CCSER1: variants seen among roughly 807,000 people sequenced by gnomAD.
The protein encoded by CCSER1 is serine-rich coiled-coil domain-containing protein 1.
A neutral mutation model predicts 82.0 loss-of-function variants in CCSER1; 41 were observed. The observed-to-expected ratio is 0.50, with a 90% CI of 0.39 to 0.65. The LOEUF (loss-of-function observed/expected upper bound fraction) is 0.65, where lower values mean the gene tolerates loss of function less well. Ranked by LOEUF, CCSER1 falls within the 30% of genes least tolerant of loss-of-function variation. The pLI is 0.00. For missense variants in CCSER1, 1,119 were observed against 1,064.2 expected, an observed-to-expected ratio of 1.05 and a Z score of -0.72; for synonymous variants, 414 against 383.9, an observed-to-expected ratio of 1.08 and a Z score of -0.92.
intron 4 of CCSER1, among the ~76,000 whole-genome samples, chr4:90,447,495 G>A (rs1760820010): frequency 6.6e-6 from 1 of 152,182 alleles, no homozygotes. Flanking sequence ...TATTTTCAGA[G>A]CCAAGAATAT....
chr4:90,442,662 T>G (rs907631172), intron 4 of CCSER1, among the ~76,000 whole-genome samples: 2 of 152,198 alleles, frequency 1.3e-5, no homozygotes, highest in African/African-American at 4.8e-5. Context: ...GTTTTGACGA[T>G]GTGCTGATAA....
At chr4:91,432,060 A>G (rs1233011860) in intron 10 of CCSER1, among the ~76,000 whole-genome samples, 1 of 152,122 alleles carries the variant, frequency 6.6e-6, no homozygotes, top group Non-Finnish European at 1.5e-5. Flanking sequence ...TGTTCTCATG[A>G]TAGTGAGGGA....
At chr4:91,181,405 G>A (rs969121958) in intron 10 of CCSER1, among the ~76,000 whole-genome samples, 4 of 152,182 alleles carry the variant, frequency 2.6e-5, no homozygotes, top group African/African-American at 9.7e-5. Flanking sequence ...ACTCCTTCAA[G>A]CACTCCAGTT....
At chr4:91,476,300 A>G (rs1757591324) in intron 10 of CCSER1, among the ~76,000 whole-genome samples, 1 of 151,502 alleles carries the variant, frequency 6.6e-6, no homozygotes, top group South Asian at 2.1e-4. Flanking sequence ...TGCAAGCATT[A>G]TTTTCTGTCT....
intron 6 of CCSER1, among the ~76,000 whole-genome samples, chr4:90,646,056 A>AT (rs1042977767): frequency 5.3e-5 from 8 of 151,512 alleles, no homozygotes; most frequent in African/African-American, 7.3e-5. Flanking sequence ...AGAGGAAACA[A>AT]TTTTTTTTTG....
chr4:91,501,966 G>T (rs562729154), intron 10 of CCSER1, among the ~76,000 whole-genome samples: 5 of 152,128 alleles, frequency 3.3e-5, no homozygotes, highest in African/African-American at 4.8e-5. Flanking sequence ...ATTTACCTGG[G>T]TTGTCCATTT....
rs201478924 is a variant in CCSER1, at chr4:90,469,523, A to AC, written c.1724+1169_1724+1170insC. Among the ~76,000 whole-genome samples the AC allele has an allele frequency of 3.2e-3, 445 of 138,998 alleles. 1 individual carries two copies. The highest frequency in any genetic ancestry group is 0.012 in the African/African-American group (418 of 34,194). The allele number at this position is 138,998 out of a possible 152,430, so 91.2% of individuals were successfully genotyped here. A position where few individuals can be genotyped will look rare whatever the true frequency, so the allele number is the denominator to read the frequency against. On this transcript the variant is annotated intron_variant, in intron 5 of 10. Coordinates refer to ENST00000509176, the MANE Select transcript of CCSER1 (RefSeq NM_001145065.2). ...GAAAGCTCAAATGTGTTTTCCTGCA[A>AC]AACACACACACACACACACACACAC...
intron 2 of CCSER1, among the ~76,000 whole-genome samples, chr4:90,312,352 A>G (rs1735438649): frequency 1.3e-5 from 2 of 152,136 alleles, no homozygotes; most frequent in Admixed American, 6.5e-5. Flanking sequence ...TATGGGTCAT[A>G]TTATGAAGAA....
chr4:91,186,459 C>A (rs558389359), intron 10 of CCSER1, among the ~76,000 whole-genome samples: 2 of 152,074 alleles, frequency 1.3e-5, no homozygotes, highest in African/African-American at 4.8e-5. Flanking sequence ...TCCATTCCAA[C>A]CATCGCTCCG....
At chr4:90,295,600 G>A (rs1731726424) in intron 1 of CCSER1, among the ~76,000 whole-genome samples, 1 of 151,930 alleles carries the variant, frequency 6.6e-6, no homozygotes, top group Admixed American at 6.6e-5. Context: ...CTTCTTTCAG[G>A]AATTACTTGT....
At chr4:90,556,842 A>G (rs989045155) in intron 5 of CCSER1, among the ~76,000 whole-genome samples, 1 of 146,014 alleles carries the variant, frequency 6.8e-6, no homozygotes, top group Admixed American at 6.8e-5. Flanking sequence ...GAACAACTGT[A>G]TATCTATATG....
chr4:90,164,898 C>T (rs1031588663), intron 1 of CCSER1, among the ~76,000 whole-genome samples: 1 of 152,010 alleles, frequency 6.6e-6, no homozygotes, highest in African/African-American at 2.4e-5. Context: ...GATTGGTGTT[C>T]TGTGGATATG....
rs543025286 is a variant in CCSER1 at position 90,316,860 on chromosome 4, G to A, written c.1509+3813G>A. Among the ~76,000 whole-genome samples the A allele has an allele frequency of 5.9e-5, 9 of 152,254 alleles. No homozygotes were observed. The South Asian group carries it at 1.4e-3, about 25-fold the overall frequency. ...ATGAACTCTTCAAACATCAAATGCC[G>A]AGAACAAATTGGGATTGGCTTAGGT... is the stretch of plus-strand genomic sequence containing the variant. On this transcript the variant is annotated intron_variant, in intron 3 of 10. Transcript: ENST00000509176.
Position 90,933,088 on chromosome 4 carries a change from AAAAG to A in CCSER1, c.2172+9653_2172+9656del, listed in dbSNP as rs745969187. 3.7e-3 allele frequency among the ~76,000 whole-genome samples: 187 copies of A among 50,350 alleles called. 20 individuals carry two copies. The highest frequency in any genetic ancestry group is 2.0e-3 in the Non-Finnish European group (50 of 25,166). The allele number at this position is 50,350 out of a possible 152,430, so 33.0% of individuals were successfully genotyped here. ...AAAGAAGAAAAGAAAGAAAGAAAAG[AAAAG>A]AAAGAAAGAAACAATGTTGTTCCAA... On this transcript the variant is annotated intron_variant, in intron 9 of 10. Coordinates refer to ENST00000509176, the MANE Select transcript of CCSER1 (RefSeq NM_001145065.2).
chr4:90,904,437 A>C (rs1298686735), intron 8 of CCSER1, among the ~76,000 whole-genome samples: 1 of 152,010 alleles, frequency 6.6e-6, no homozygotes, highest in African/African-American at 2.4e-5. Context: ...TTTACTTTTG[A>C]CTTAAGTACC....
Position 90,608,042 on chromosome 4 carries a change from T to G in CCSER1, c.1725-19983T>G, listed in dbSNP as rs543830517. Reference sequence around the variant, plus strand: ...CACATTTCCTAAGTTCTTTTAAAACTGTACAAAATATTTATTTTTACATTG... The same window carrying G: ...CACATTTCCTAAGTTCTTTTAAAACGGTACAAAATATTTATTTTTACATTG... On this transcript the variant is annotated intron_variant, in intron 5 of 10. Coordinates refer to ENST00000509176, the MANE Select transcript of CCSER1 (RefSeq NM_001145065.2). 3.3e-5 allele frequency among the ~76,000 whole-genome samples: 5 copies of G among 152,330 alleles called. No individual in the cohort carries two copies. In the East Asian group the frequency reaches 9.6e-4, roughly 29 times the overall value.
intron 6 of CCSER1, among the ~76,000 whole-genome samples, chr4:90,698,847 G>A (rs1249852399): frequency 1.3e-5 from 2 of 152,178 alleles, no homozygotes; most frequent in Admixed American, 6.6e-5. Flanking sequence ...ACTCATGCCT[G>A]TAATTCCAGC....
At chr4:90,885,994 C>T (rs4640635) in intron 8 of CCSER1, among the ~76,000 whole-genome samples, 6,872 of 152,128 alleles carry the variant, frequency 0.045, 284 homozygotes, top group African/African-American at 0.11. Flanking sequence ...CTTGCAGTCC[C>T]TCACCTCCTG....
intron 4 of CCSER1, among the ~76,000 whole-genome samples, chr4:90,465,414 C>T (rs972002196): frequency 1.7e-4 from 25 of 150,288 alleles, no homozygotes; most frequent in Admixed American, 1.2e-3. Context: ...TCAGCCTCCC[C>T]GGTTCAAGCA....
Sources: allele counts gnomAD v4.1 joint callset (sites outside exome capture counted in the v4.1 genomes callset), GRCh38; gene constraint gnomAD v4.1.1; transcripts MANE v1.5; gene names NCBI Gene and HGNC (gene_info 2026-07-23, HGNC 2026-07-21).